The following APBA2 variants were observed in gnomAD, a reference collection of about 807,000 sequenced individuals.
APBA2 encodes the protein amyloid-beta A4 precursor protein-binding family A member 2.
Under a neutral mutation model 75.0 loss-of-function variants are expected in APBA2, and 30 were observed. The observed-to-expected ratio is 0.40, with a 90% CI of 0.30 to 0.54. The LOEUF is 0.54. APBA2 is among the 20% of genes least tolerant of loss of function. APBA2 has a pLI of 0.49. For synonymous variants in APBA2, 444 were observed against 409.6 expected, an observed-to-expected ratio of 1.08 and a Z score of -1.01; for missense variants, 801 against 1,016.1, an observed-to-expected ratio of 0.79 and a Z score of 2.88.
intron 13 of APBA2, among the ~76,000 whole-genome samples, chr15:29,111,133 AAGAG>A (rs905637031): frequency 2.0e-5 from 3 of 151,826 alleles, no homozygotes; most frequent in Admixed American, 6.6e-5. Context: ...GGCAATACGA[AAGAG>A]AGGGTGCCAC....
Position 29,054,377 on chromosome 15 carries a change from C to A in APBA2, c.493C>A (p.Leu165Met), listed in dbSNP as rs569922946. 80 of 1,614,152 alleles carry A rather than the reference C, an allele frequency of 5.0e-5. 1 individual carries two copies. In the South Asian group the frequency reaches 8.8e-4, roughly 18 times the overall value. ...CAGCCAGGACTACCCAGACGGCCAACTGCCCATTCCGGAGGATGAGCCCTC... is the reference window on the plus strand; with the variant it reads ...CAGCCAGGACTACCCAGACGGCCAAATGCCCATTCCGGAGGATGAGCCCTC... ...EGSQDYPDGQLPIPEDEPSVL... is the reference protein window; with the variant it reads ...EGSQDYPDGQMPIPEDEPSVL... The change falls in exon 4 of 15, where the codon CTG (leucine) becomes ATG (methionine). Residue 165 changes from leucine to methionine, a missense_variant. Around this residue, in one of 2 missense-constraint regions of APBA2, gnomAD observed 434 missense variants for 471.6 expected, o/e 0.92. Transcript: ENST00000683413. The surrounding 1 kb of genome is among the most constrained non-coding windows in gnomAD (Gnocchi z 6.1).
intron 2 of APBA2, among the ~76,000 whole-genome samples, chr15:28,943,754 C>G (rs1251915272): frequency 6.6e-6 from 1 of 152,168 alleles, no homozygotes; most frequent in Admixed American, 6.5e-5. Context: ...CCTGGCTCCT[C>G]CAGCCCTGGC....
chr15:28,900,397 A>C (rs148999269), intron 1 of APBA2, among the ~76,000 whole-genome samples: 64 of 152,310 alleles, frequency 4.2e-4, no homozygotes, highest in African/African-American at 1.5e-3. Flanking sequence ...GTCCCACATG[A>C]CAGAGACCAG....
chr15:28,890,494 AG>A (rs368834641), intron 1 of APBA2, among the ~76,000 whole-genome samples: 1,795 of 152,298 alleles, frequency 0.012, 9 homozygotes, highest in Middle Eastern at 0.034. Flanking sequence ...ACTCTGTCCC[AG>A]GGCTCCCAGC....
intron 13 of APBA2, among the ~76,000 whole-genome samples, chr15:29,112,968 C>T (rs1218396582): frequency 6.6e-6 from 1 of 152,144 alleles, no homozygotes; most frequent in Non-Finnish European, 1.5e-5. Flanking sequence ...GTTCGTGTGC[C>T]TGGCCTGTTT....
intron 2 of APBA2, among the ~76,000 whole-genome samples, chr15:28,983,548 T>C (rs8035785): frequency 0.085 from 12,914 of 152,230 alleles, 1,075 homozygotes; most frequent in African/African-American, 0.22. Context: ...TCTTCGAGGC[T>C]GGTTGTGGCA....
intron 13 of APBA2, among the ~76,000 whole-genome samples, chr15:29,111,443 C>T (rs1201075009): frequency 1.3e-5 from 2 of 152,100 alleles, no homozygotes; most frequent in Admixed American, 6.5e-5. Flanking sequence ...GGATACAGGA[C>T]AGCTCACCCT....
intron 3 of APBA2, among the ~76,000 whole-genome samples, chr15:28,998,430 C>T (rs1035671755): frequency 6.6e-6 from 1 of 152,090 alleles, no homozygotes; most frequent in African/African-American, 2.4e-5. Flanking sequence ...TGATGTGATA[C>T]TAGCATGTAC....
intron 2 of APBA2, among the ~76,000 whole-genome samples, chr15:28,935,854 A>T (rs1274897776): frequency 6.6e-6 from 1 of 152,222 alleles, no homozygotes; most frequent in African/African-American, 2.4e-5. Flanking sequence ...ACTTTAGTTC[A>T]TGTTCTTTAA....
At chr15:28,997,525 A>T (rs1237108814) in intron 3 of APBA2, among the ~76,000 whole-genome samples, 1 of 152,202 alleles carries the variant, frequency 6.6e-6, no homozygotes, top group African/African-American at 2.4e-5. Flanking sequence ...AGGACAGCTT[A>T]TGAAGGGAGA....
At chr15:29,058,208 C>T (rs1006479651) in intron 4 of APBA2, among the ~76,000 whole-genome samples, 1 of 152,014 alleles carries the variant, frequency 6.6e-6, no homozygotes, top group Non-Finnish European at 1.5e-5. Flanking sequence ...TTGGTCTGGT[C>T]GATACGAAAA....
intron 3 of APBA2, among the ~76,000 whole-genome samples, chr15:29,025,560 C>CTGCG (rs2040176713): frequency 6.6e-6 from 1 of 152,000 alleles, no homozygotes; most frequent in African/African-American, 2.4e-5. Context: ...GCGTGAGGCA[C>CTGCG]TGCGCCTGGC....
intron 12 of APBA2, among the ~76,000 whole-genome samples, chr15:29,107,604 C>T (rs1269415074): frequency 2.6e-5 from 4 of 152,176 alleles, no homozygotes; most frequent in Non-Finnish European, 4.4e-5. Flanking sequence ...AGCGTCTGCC[C>T]GATGGGCAGC....
chr15:29,071,910 G>A (rs1327743250), intron 4 of APBA2, among the ~76,000 whole-genome samples: 2 of 152,028 alleles, frequency 1.3e-5, no homozygotes, highest in East Asian at 2.0e-4. Context: ...TATGGCCTCC[G>A]TACTGGGGAG....
intron 1 of APBA2, among the ~76,000 whole-genome samples, chr15:28,920,178 A>C (rs535771493): frequency 6.6e-6 from 1 of 152,350 alleles, no homozygotes; most frequent in Admixed American, 6.5e-5. Context: ...AGGGCTGAGA[A>C]GAGTGTGATT....
chr15:28,936,732 T>C (rs2034894697), intron 2 of APBA2, among the ~76,000 whole-genome samples: 1 of 152,150 alleles, frequency 6.6e-6, no homozygotes, highest in Admixed American at 6.5e-5. Flanking sequence ...GACAGGCAGA[T>C]AGACCCCAAG....
chr15:29,102,317 C>G (rs2044165971), intron 10 of APBA2: 3 of 185,898 alleles, frequency 1.6e-5, no homozygotes, highest in African/African-American at 4.8e-5. Flanking sequence ...TGGAGGGGGA[C>G]AGAGGGGCTG....
At chr15:29,083,055 C>A (rs997444639) in intron 6 of APBA2, among the ~76,000 whole-genome samples, 1 of 151,516 alleles carries the variant, frequency 6.6e-6, no homozygotes, top group Non-Finnish European at 1.5e-5. Context: ...GAGTGAGACA[C>A]CGTCTCAAAA....
chr15:28,945,774 A>G (rs2152712933), intron 2 of APBA2, among the ~76,000 whole-genome samples: 1 of 152,250 alleles, frequency 6.6e-6, no homozygotes, highest in South Asian at 2.1e-4. Flanking sequence ...TCGGCCTCCC[A>G]AAGTGCTGGG....
Sources: allele counts gnomAD v4.1 joint callset (sites outside exome capture counted in the v4.1 genomes callset), GRCh38; gene constraint gnomAD v4.1.1; regional missense constraint gnomAD v4.1.1; non-coding constraint Gnocchi (gnomAD v3.1); transcripts MANE v1.5; gene names NCBI Gene and HGNC (gene_info 2026-07-23, HGNC 2026-07-21).